Variants in PTPRT observed in about 807,000 individuals in gnomAD.
The protein encoded by PTPRT is receptor-type tyrosine-protein phosphatase T.
In PTPRT, 56 loss-of-function variants were observed where a neutral mutation model predicts 176.8. That is an observed-to-expected ratio of 0.32 (90% CI 0.26 to 0.40). The LOEUF (loss-of-function observed/expected upper bound fraction) is 0.40, where lower values mean the gene tolerates loss of function less well. Among genes scored for constraint, PTPRT ranks in the 10% least tolerant of loss-of-function variants. The pLI is 1.00. For missense variants in PTPRT, 1,540 were observed against 1,908.2 expected (o/e 0.81, Z 3.60); for synonymous variants, 783 against 739.0 (o/e 1.06, Z -0.96).
At chr20:42,493,941 G>T (rs1218608547) in intron 7 of PTPRT, among the ~76,000 whole-genome samples, 1 of 151,314 alleles carries the variant, frequency 6.6e-6, no homozygotes, top group Non-Finnish European at 1.5e-5. Context: ...ATCTTCAGTG[G>T]AGGTACACAT....
intron 9 of PTPRT, among the ~76,000 whole-genome samples, chr20:42,385,364 C>A (rs561965304): frequency 6.6e-6 from 1 of 152,220 alleles, no homozygotes; most frequent in African/African-American, 2.4e-5. Context: ...CATAGAAGGA[C>A]AAATACTGCA....
intron 9 of PTPRT, among the ~76,000 whole-genome samples, chr20:42,398,454 C>A (rs2058872660): frequency 6.6e-6 from 1 of 152,098 alleles, no homozygotes; most frequent in African/African-American, 2.4e-5. Flanking sequence ...AAAGTATGTA[C>A]ATCTCAAAGA....
intron 9 of PTPRT, among the ~76,000 whole-genome samples, chr20:42,402,483 T>TAAAAA (rs3061921): frequency 4.2e-5 from 4 of 95,154 alleles, no homozygotes; most frequent in African/African-American, 8.1e-5. Context: ...ATAGTGCAGT[T>TAAAAA]AAAAAAAAAA....
chr20:42,749,548 T>C (rs2145374711), intron 6 of PTPRT, among the ~76,000 whole-genome samples: 1 of 152,346 alleles, frequency 6.6e-6, no homozygotes, highest in African/African-American at 2.4e-5. Flanking sequence ...ATGAGCAGTA[T>C]GATCTTAGAA....
intron 6 of PTPRT, among the ~76,000 whole-genome samples, chr20:42,705,539 G>A (rs374996397): frequency 6.6e-6 from 1 of 152,074 alleles, no homozygotes; most frequent in Admixed American, 6.5e-5. Context: ...GGAATGTCAC[G>A]ATGGCTTGAC....
At chr20:42,515,925 T>C (rs2072057436) in intron 7 of PTPRT, among the ~76,000 whole-genome samples, 2 of 149,660 alleles carry the variant, frequency 1.3e-5, no homozygotes, top group Non-Finnish European at 1.5e-5. Context: ...TATGCAGCCA[T>C]AAAAAATGAT....
At chr20:42,701,063 A>G (rs958016666) in intron 6 of PTPRT, among the ~76,000 whole-genome samples, 1 of 144,040 alleles carries the variant, frequency 6.9e-6, no homozygotes, top group Non-Finnish European at 1.5e-5. Flanking sequence ...TGCAACAAGA[A>G]TTCCCTCTGG....
chr20:42,601,310 T>C (rs1180364334), intron 7 of PTPRT, among the ~76,000 whole-genome samples: 1 of 152,202 alleles, frequency 6.6e-6, no homozygotes, highest in Non-Finnish European at 1.5e-5. Flanking sequence ...CATTTTCCCA[T>C]TATATTATTC....
intron 2 of PTPRT, among the ~76,000 whole-genome samples, chr20:42,852,190 G>A (rs1256225838): frequency 1.3e-5 from 2 of 152,010 alleles, no homozygotes; most frequent in African/African-American, 4.8e-5. Context: ...AATCATTTTT[G>A]TCAAGTTTTA....
chr20:42,992,971 C>A (rs1257794556), intron 1 of PTPRT, among the ~76,000 whole-genome samples: 5 of 152,124 alleles, frequency 3.3e-5, no homozygotes, highest in African/African-American at 1.2e-4. Context: ...AGAAAGAGAA[C>A]AACAGTTGCA....
In PTPRT at chr20:42,780,392, C is replaced by T. The variant is rs565834430; in HGVS notation, c.487-93G>A. The T allele has an allele frequency of 6.7e-4, 642 of 953,372 alleles. 2 individuals are homozygous for T. The African/African-American group carries it at 9.6e-3, about 14-fold the overall frequency. 59.1% of individuals were successfully genotyped at this position (953,372 alleles called of 1,614,324 possible). On this transcript the variant is annotated intron_variant, in intron 3 of 30. Coordinates refer to ENST00000373187, the MANE Select transcript of PTPRT (RefSeq NM_007050.6). ...CGGCCCCCAGCCCTTTATGTTTCAA[C>T]TTCCCATCAGAAGCAACCCAAGAAA... is the stretch of plus-strand genomic sequence containing the variant.
intron 7 of PTPRT, among the ~76,000 whole-genome samples, chr20:42,610,689 G>C (rs1184345072): frequency 6.6e-6 from 1 of 152,128 alleles, no homozygotes; most frequent in Non-Finnish European, 1.5e-5. Context: ...AACACCCTTT[G>C]TGAGATAAAA....
intron 1 of PTPRT, among the ~76,000 whole-genome samples, chr20:43,030,147 T>C (rs1986082446): frequency 6.6e-6 from 1 of 152,246 alleles, no homozygotes; most frequent in Admixed American, 6.5e-5. Context: ...TTGAGAATGC[T>C]TTATAAATTG....
At position 42,516,079 on chromosome 20, in the gene PTPRT, G is replaced by A. The variant is rs556700460; in HGVS notation, c.1154-43517C>T. 1.5e-4 allele frequency among the ~76,000 whole-genome samples: 19 copies of A among 128,198 alleles called. No homozygotes were observed. The East Asian group carries it at 2.9e-3, about 20-fold the overall frequency. The allele number at this position is 128,198 out of a possible 152,430, so 84.1% of individuals were successfully genotyped here. ...TGAGATCACATGGACACAGGAGGGG[G>A]AATATCACACTCTGGGGACTGTTGT... On this transcript the variant is annotated intron_variant, in intron 7 of 30. Coordinates refer to ENST00000373187, the MANE Select transcript of PTPRT (RefSeq NM_007050.6).
intron 7 of PTPRT, among the ~76,000 whole-genome samples, chr20:42,600,676 G>A (rs944986374): frequency 3.9e-5 from 6 of 152,064 alleles, no homozygotes; most frequent in African/African-American, 1.2e-4. Context: ...GTGTGAACCC[G>A]TTATTTAGCT....
intron 2 of PTPRT, among the ~76,000 whole-genome samples, chr20:42,805,005 T>C (rs2077584729): frequency 1.3e-5 from 2 of 152,180 alleles, no homozygotes; most frequent in Non-Finnish European, 2.9e-5. Context: ...GGAACAGAAT[T>C]TAACTCCTAA....
At chr20:42,043,796 T>G in the PTPRT span, among the ~76,000 whole-genome samples, 1 of 152,224 alleles carries the variant, frequency 6.6e-6, no homozygotes, top group Non-Finnish European at 1.5e-5. Flanking sequence ...ATCGATTTGT[T>G]TATTATTAAA....
intron 2 of PTPRT, among the ~76,000 whole-genome samples, chr20:42,855,989 G>C (rs2078556592): frequency 6.6e-6 from 1 of 151,968 alleles, no homozygotes; most frequent in African/African-American, 2.4e-5. Flanking sequence ...GAAAATGAAT[G>C]GGTTTAGAAA....
At chr20:42,163,543 T>C (rs1053186951) in intron 16 of PTPRT, among the ~76,000 whole-genome samples, 4 of 152,150 alleles carry the variant, frequency 2.6e-5, no homozygotes, top group African/African-American at 9.7e-5. Context: ...GAGTTCGACT[T>C]ACTGAGAACC....
Sources: allele counts gnomAD v4.1 joint callset (sites outside exome capture counted in the v4.1 genomes callset), GRCh38; gene constraint gnomAD v4.1.1; transcripts MANE v1.5; gene names NCBI Gene and HGNC (gene_info 2026-07-23, HGNC 2026-07-21).